The following KIF13B variants were observed in gnomAD, a reference collection of about 807,000 sequenced individuals.
The protein encoded by KIF13B is kinesin family member 13B.
Under a neutral mutation model 222.0 loss-of-function variants are expected in KIF13B, and 127 were observed. That is an observed-to-expected ratio of 0.57 (90% CI 0.50 to 0.66). The LOEUF is 0.66. KIF13B is among the 30% of genes least tolerant of loss of function. The pLI, the probability that KIF13B is intolerant of heterozygous loss-of-function variation, is 0.00. For missense variants in KIF13B, 2,173 were observed against 2,379.0 expected, an observed-to-expected ratio of 0.91 and a Z score of 1.80; for synonymous variants, 976 against 919.0, an observed-to-expected ratio of 1.06 and a Z score of -1.12.
At chr8:29,138,863 T>C (rs1383747885) in intron 21 of KIF13B, among the ~76,000 whole-genome samples, 2 of 152,162 alleles carry the variant, frequency 1.3e-5, no homozygotes, top group African/African-American at 2.4e-5. Flanking sequence ...CCAAGAGACA[T>C]ACCAACCAAG....
intron 2 of KIF13B, among the ~76,000 whole-genome samples, chr8:29,223,843 C>T (rs2130544931): frequency 6.6e-6 from 1 of 152,236 alleles, no homozygotes; most frequent in South Asian, 2.1e-4. Context: ...AGGCACCTGC[C>T]ACCACGCCTG....
intron 37 of KIF13B, among the ~76,000 whole-genome samples, chr8:29,091,757 C>T (rs1442417947): frequency 1.3e-5 from 2 of 152,300 alleles, no homozygotes; most frequent in East Asian, 1.9e-4. Flanking sequence ...CTCCTGCAGT[C>T]ATAGATTCAT....
intron 17 of KIF13B, among the ~76,000 whole-genome samples, 169 bp downstream of exon 17, chr8:29,147,223 T>C (rs1226431735): frequency 6.6e-6 from 1 of 152,212 alleles, no homozygotes; most frequent in Non-Finnish European, 1.5e-5. Flanking sequence ...AAATGGGCAA[T>C]TCCCCTTTTA....
In KIF13B at chr8:29,132,300, A is replaced by C; in HGVS notation, c.2942+8T>G. ...ATAAATGGAATCAGATGAACATCTA[A>C]TATTCACCTGTCCCGAAGACTACGT... On this transcript the variant is annotated splice_region_variant and intron_variant, in intron 23 of 39. Transcript: ENST00000524189. 6.8e-7 allele frequency: 1 copy of C among 1,475,766 alleles called. No homozygotes were observed. Among genetic ancestry groups the C allele is most frequent in the Non-Finnish European group, 9.0e-7 (1 of 1,111,138 alleles). The allele number at this position is 1,475,766 out of a possible 1,614,324, so 91.4% of individuals were successfully genotyped here. A position where few individuals can be genotyped will look rare whatever the true frequency, so the allele number is the denominator to read the frequency against.
At chr8:29,090,689 T>G (rs1808257983) in intron 37 of KIF13B, among the ~76,000 whole-genome samples, 1 of 152,198 alleles carries the variant, frequency 6.6e-6, no homozygotes, top group East Asian at 1.9e-4. Flanking sequence ...GTTTTAGATT[T>G]ATATACTTTA....
chr8:29,098,696 A>G (rs1157112276), intron 36 of KIF13B, among the ~76,000 whole-genome samples: 2 of 152,120 alleles, frequency 1.3e-5, no homozygotes, highest in Non-Finnish European at 2.9e-5. Context: ...GAATTTCATG[A>G]AACATTTAAG....
At position 29,107,838 on chromosome 8, in the gene KIF13B, A is replaced by G. The variant is rs186982827; in HGVS notation, c.4215+301T>C. 9.6e-3 allele frequency among the ~76,000 whole-genome samples: 1,457 copies of G among 151,040 alleles called. 11 individuals are homozygous for G. Among genetic ancestry groups the G allele is most frequent in the African/African-American group, 0.025 (1,023 of 40,450 alleles). On this transcript the variant is annotated intron_variant, in intron 35 of 39. Transcript: ENST00000524189. Reference sequence around the variant, plus strand: ...GCCTCCCAAAGTGCTGGGATTACATACGTGAGCCACTGCGCCCAGCCTGAA... The same window carrying G: ...GCCTCCCAAAGTGCTGGGATTACATGCGTGAGCCACTGCGCCCAGCCTGAA...
rs777580889 is a variant in KIF13B at position 29,072,182 on chromosome 8, CTCCGGA to C, written c.4650_4655del (p.Pro1551_Glu1552del). ...GGGGGCTGGGGGGCCCGTCCTGTGC[CTCCGGA>C]GCCGGGGTGACCGCTGTGACAGCTA... On this transcript the variant is annotated inframe_deletion, in exon 39 of 40. Coordinates refer to ENST00000524189, the MANE Select transcript of KIF13B (RefSeq NM_015254.4). The C allele has an allele frequency of 3.5e-6, 5 of 1,436,682 alleles. No individual in the cohort carries two copies. The African/African-American group carries it at 6.0e-5, about 17-fold the overall frequency. The allele number at this position is 1,436,682 out of a possible 1,614,324, so 89.0% of individuals were successfully genotyped here.
chr8:29,131,271 T>A (rs977803589), intron 23 of KIF13B, among the ~76,000 whole-genome samples: 5 of 149,922 alleles, frequency 3.3e-5, no homozygotes, highest in Middle Eastern at 3.5e-3. Flanking sequence ...AAGCTCAGCA[T>A]CACACAATAT....
chr8:29,089,296 G>T (rs1808183609), intron 37 of KIF13B, among the ~76,000 whole-genome samples: 1 of 152,144 alleles, frequency 6.6e-6, no homozygotes, highest in Non-Finnish European at 1.5e-5. Context: ...AAAGTTAGCT[G>T]GGCGTGATGG....
chr8:29,109,604 TAC>T (rs1219270834), intron 33 of KIF13B, 93 bp from the exon 34 acceptor site: 220 of 977,570 alleles, frequency 2.3e-4, no homozygotes, highest in Non-Finnish European at 3.2e-4. Flanking sequence ...CCCCCATCTA[TAC>T]AGACATTCCT....
intron 1 of KIF13B, among the ~76,000 whole-genome samples, chr8:29,256,132 T>C (rs1164813886): frequency 1.3e-5 from 2 of 152,230 alleles, no homozygotes; most frequent in African/African-American, 4.8e-5. Flanking sequence ...ATCTTATTCA[T>C]AGTTGCAGGC....
At chr8:29,230,146 T>C (rs917569301) in intron 2 of KIF13B, among the ~76,000 whole-genome samples, 12 of 152,178 alleles carry the variant, frequency 7.9e-5, no homozygotes, top group African/African-American at 2.9e-4. Flanking sequence ...CTCCACTTCA[T>C]AGAAAAGGAA....
chr8:29,085,104 C>T (rs757242689), intron 37 of KIF13B, among the ~76,000 whole-genome samples: 5 of 152,052 alleles, frequency 3.3e-5, no homozygotes, highest in Non-Finnish European at 7.4e-5. Flanking sequence ...TTTTGTCTTA[C>T]AAAAAAAGAT....
At chr8:29,099,315 A>C in intron 35 of KIF13B, 74 bp from the exon 36 acceptor site, 1 of 1,013,970 alleles carries the variant, frequency 9.9e-7, no homozygotes, top group Non-Finnish European at 1.5e-6. Flanking sequence ...ACAGATACTC[A>C]AGAAAAAAAA....
intron 14 of KIF13B, among the ~76,000 whole-genome samples, chr8:29,153,591 G>A (rs772224598): frequency 4.0e-5 from 6 of 150,284 alleles, no homozygotes; most frequent in Non-Finnish European, 7.4e-5. Context: ...TGAAGGACTC[G>A]TTTATTAAGA....
In KIF13B at chr8:29,132,389, T is replaced by C. The variant is rs2129841951; in HGVS notation, c.2861A>G (p.His954Arg). ...GTTTTTCCGGGGATCGTTTATTTTA[T>C]GTCCATATACTTCAATTGCCAATGC... ...EGALAIEVYG[H>R]KINDPRKNPA... is the part of the protein sequence containing the mutation. The change falls in exon 23 of 40, where the codon CAT (histidine) becomes CGT (arginine). Residue 954 changes from histidine (H) to arginine (R), a missense_variant. Physicochemically the swap from His to Arg is conservative, Grantham distance 29 (BLOSUM62 0). Around this residue, in one of 2 missense-constraint regions of KIF13B, gnomAD observed 1,480 missense variants for 1,722.8 expected, o/e 0.86. Coordinates refer to ENST00000524189, the MANE Select transcript of KIF13B (RefSeq NM_015254.4). 1 of 1,597,966 alleles carries C rather than the reference T, an allele frequency of 6.3e-7. No individual in the cohort carries two copies. Among genetic ancestry groups the C allele is most frequent in the Non-Finnish European group, 8.5e-7 (1 of 1,171,454 alleles).
chr8:29,084,972 C>T (rs1233278189), intron 37 of KIF13B, among the ~76,000 whole-genome samples: 1 of 152,178 alleles, frequency 6.6e-6, no homozygotes, highest in Non-Finnish European at 1.5e-5. Context: ...AAATTGACTA[C>T]AAACAAAAAC....
chr8:29,095,097 G>A lies in KIF13B; in HGVS notation c.4325-2219C>T, dbSNP rs549907342. 1.2e-4 allele frequency among the ~76,000 whole-genome samples: 19 copies of A among 152,186 alleles called. No individual in the cohort carries two copies. The South Asian group carries it at 3.7e-3, about 30-fold the overall frequency. Reference sequence around the variant, plus strand: ...TGGGGGAAAAGTTTTAATGAATAATGTCTAAACATTTCTCACGATTGCTGA... The same window carrying A: ...TGGGGGAAAAGTTTTAATGAATAATATCTAAACATTTCTCACGATTGCTGA... On this transcript the variant is annotated intron_variant, in intron 36 of 39. Transcript: ENST00000524189.
Sources: gnomAD v4.1 joint callset for allele counts (sites outside exome capture counted in the v4.1 genomes callset) on GRCh38, gnomAD v4.1.1 for gene constraint, gnomAD v4.1.1 regional missense constraint, MANE v1.5 for transcripts, NCBI Gene and HGNC (gene_info 2026-07-23, HGNC 2026-07-21) for gene names.